TUBD1: variants seen among roughly 807,000 people sequenced by gnomAD.
The protein encoded by TUBD1 is tubulin delta chain.
Under a neutral mutation model 51.2 loss-of-function variants are expected in TUBD1, and 38 were observed. That is an observed-to-expected ratio of 0.74 (90% confidence interval 0.57 to 0.97). The LOEUF (loss-of-function observed/expected upper bound fraction) is 0.97. Ranked by LOEUF, TUBD1 falls within the 50% of genes least tolerant of loss-of-function variation. TUBD1 has a pLI of 0.00. For synonymous variants in TUBD1, 169 were observed against 178.2 expected (o/e 0.95, Z 0.41); for missense variants, 489 against 538.4 (o/e 0.91, Z 0.91).
chr17:59,889,573 G>A (rs2040893096), intron 2 of TUBD1, among the ~76,000 whole-genome samples: 1 of 149,718 alleles, frequency 6.7e-6, no homozygotes, highest in African/African-American at 2.5e-5. Context: ...TGAGGCTGAG[G>A]CAGGAGAATT....
At chr17:59,876,882 TA>T (rs932732983) in intron 5 of TUBD1, among the ~76,000 whole-genome samples, 1 of 151,680 alleles carries the variant, frequency 6.6e-6, no homozygotes, top group African/African-American at 2.4e-5. Context: ...TTTTTTTTTT[TA>T]AATGGAGTCT....
At chr17:59,865,397 T>C (rs2039650534) in intron 7 of TUBD1, among the ~76,000 whole-genome samples, 1 of 151,992 alleles carries the variant, frequency 6.6e-6, no homozygotes, top group African/African-American at 2.4e-5. Context: ...CTGGTCAATA[T>C]GGTCAAATCC....
intron 2 of TUBD1, 54 bp from the exon 3 acceptor site, chr17:59,886,284 C>A (rs1334267555): frequency 2.0e-6 from 3 of 1,505,666 alleles, no homozygotes; most frequent in Non-Finnish European, 2.7e-6. Context: ...TTTATTATGT[C>A]TTATTTGGGT....
intron 7 of TUBD1, among the ~76,000 whole-genome samples, chr17:59,866,379 C>T (rs1349326712): frequency 1.3e-5 from 2 of 151,876 alleles, no homozygotes; most frequent in Admixed American, 6.6e-5. Context: ...GGACTACATG[C>T]GTGTGCTACC....
chr17:59,885,539 T>C, intron 3 of TUBD1: 1 of 1,506,744 alleles, frequency 6.6e-7, no homozygotes, highest in Non-Finnish European at 9.2e-7. Flanking sequence ...GAGTCGGTGG[T>C]TCACTACTAG....
At chr17:59,884,700 C>T (rs111991196) in intron 3 of TUBD1, 5,311 of 152,746 alleles carry the variant, frequency 0.035, 286 homozygotes, top group African/African-American at 0.12. Context: ...GCAGGTGGAT[C>T]ACTGGAGGCC....
chr17:59,869,381 CA>C (rs2039876478), intron 6 of TUBD1, among the ~76,000 whole-genome samples: 1 of 149,744 alleles, frequency 6.7e-6, no homozygotes, highest in South Asian at 2.1e-4. Context: ...GAGGCTGAGG[CA>C]AAAGAATCGC....
chr17:59,875,073 C>CTTT (rs10679203), intron 5 of TUBD1, among the ~76,000 whole-genome samples: 2,456 of 87,206 alleles, frequency 0.028, 13 homozygotes, highest in Non-Finnish European at 0.031. Context: ...TTGTTATATT[C>CTTT]TTTTTTTTTT....
Position 59,863,841 on chromosome 17 carries a change from A to T in TUBD1, c.1082T>A (p.Phe361Tyr), listed in dbSNP as rs1449741768. Residue 361 changes from phenylalanine to tyrosine, a missense_variant, in exon 8 of 9, where the codon TTT becomes TAT. Transcript: ENST00000325752. Reference protein sequence around the residue: ...KDVQSADVEGFKDPALYTSWL... With the variant: ...KDVQSADVEGYKDPALYTSWL... Reference sequence around the variant, plus strand: ...GGAAGTATACAGAGCTGGATCTTTAAATCCCTCTAGAGTAAAAACAAGATA... The same window carrying T: ...GGAAGTATACAGAGCTGGATCTTTATATCCCTCTAGAGTAAAAACAAGATA... 2.6e-6 allele frequency: 4 copies of T among 1,545,446 alleles called. No homozygotes were observed. The highest frequency in any genetic ancestry group is 1.4e-5 in the African/African-American group (1 of 71,126).
chr17:59,860,707 C>T (rs2039403495), intron 8 of TUBD1, among the ~76,000 whole-genome samples: 1 of 151,952 alleles, frequency 6.6e-6, no homozygotes, highest in Admixed American at 6.6e-5. Flanking sequence ...CTACCTCAGC[C>T]TCCCGAGTAG....
Position 59,866,652 on chromosome 17 carries a change from G to A in TUBD1, c.1032C>T (p.Asn344=), listed in dbSNP as rs774192066. The change falls in exon 7 of 9, where the codon AAC becomes AAT. Residue 344 remains asparagine (N), a synonymous_variant. Transcript: ENST00000325752. ...KDLHFNTSIA[N]LVILRGKDVQ... is the part of the protein sequence containing the mutation. ...CATCTTTCCCACGAAGAATGACCAAGTTAGCAATGGAAGTGTTAAAATGCA... is the reference window on the plus strand; with the variant it reads ...CATCTTTCCCACGAAGAATGACCAAATTAGCAATGGAAGTGTTAAAATGCA... 10 of 1,613,990 alleles carry A rather than the reference G, an allele frequency of 6.2e-6. No homozygotes were observed. Among genetic ancestry groups the A allele is most frequent in the Non-Finnish European group, 8.5e-6 (10 of 1,179,986 alleles).
chr17:59,876,729 C>T (rs563635789), intron 5 of TUBD1, among the ~76,000 whole-genome samples: 20 of 152,122 alleles, frequency 1.3e-4, no homozygotes, highest in African/African-American at 4.8e-4. Flanking sequence ...TGGCCTCAAG[C>T]GATCTTCCCA....
chr17:59,869,742 G>A (rs950135571), intron 6 of TUBD1, among the ~76,000 whole-genome samples: 6 of 152,052 alleles, frequency 3.9e-5, no homozygotes, highest in African/African-American at 1.4e-4. Flanking sequence ...AAATCCGTAA[G>A]ATATTACAAA....
chr17:59,875,666 G>A (rs535364017), intron 5 of TUBD1, among the ~76,000 whole-genome samples: 169 of 151,710 alleles, frequency 1.1e-3, no homozygotes, highest in Non-Finnish European at 1.6e-3. Context: ...AGGCTGAGGC[G>A]GGAGAATCGC....
chr17:59,860,278 T>C lies in TUBD1; in HGVS notation c.*44A>G, dbSNP rs1249686074. The stretch of plus-strand genomic sequence containing the variant: ...AGAGAAAATAGTATTGAAAATATTT[T>C]AGTCCAGAAATGCCTTAAGGTATAC... On this transcript the variant is annotated 3_prime_UTR_variant, in exon 9 of 9. Transcript: ENST00000325752. The C allele has an allele frequency of 2.3e-6, 3 of 1,317,298 alleles. No homozygotes were observed. The highest frequency in any genetic ancestry group is 1.2e-5 in the South Asian group (1 of 80,628). 81.6% of individuals were successfully genotyped at this position (1,317,298 alleles called of 1,614,324 possible).
chr17:59,868,507 G>A (rs935177608), intron 6 of TUBD1, among the ~76,000 whole-genome samples: 3 of 151,762 alleles, frequency 2.0e-5, no homozygotes, highest in African/African-American at 7.2e-5. Flanking sequence ...ACTAGCCTGG[G>A]CAACATAGTC....
chr17:59,872,638 A>G (rs1208015453), intron 6 of TUBD1, among the ~76,000 whole-genome samples: 1 of 139,252 alleles, frequency 7.2e-6, no homozygotes, highest in Non-Finnish European at 1.5e-5. Context: ...TTGTGTTTGT[A>G]TGTGTGAGTA....
intron 7 of TUBD1, among the ~76,000 whole-genome samples, chr17:59,866,194 A>G (rs1396259656): frequency 6.6e-6 from 1 of 150,874 alleles, no homozygotes. Context: ...ATGGTAAAGT[A>G]AGGGTGACAG....
intron 4 of TUBD1, among the ~76,000 whole-genome samples, chr17:59,879,192 C>T (rs1176315608): frequency 2.1e-5 from 3 of 146,232 alleles, no homozygotes; most frequent in Non-Finnish European, 4.5e-5. Context: ...CACTTGAACC[C>T]GGGAGGCGGA....
Sources: allele counts gnomAD v4.1 joint callset (sites outside exome capture counted in the v4.1 genomes callset), GRCh38; gene constraint gnomAD v4.1.1; transcripts MANE v1.5; gene names NCBI Gene and HGNC (gene_info 2026-07-23, HGNC 2026-07-21).